The following SLC12A8 variants were observed in gnomAD, a reference collection of about 807,000 sequenced individuals.
SLC12A8 encodes cation-chloride cotransporter 9.
A neutral mutation model predicts 75.6 loss-of-function variants in SLC12A8; 69 were observed. The observed-to-expected ratio is 0.91, with a 90% CI of 0.75 to 1.11. The LOEUF (loss-of-function observed/expected upper bound fraction) is 1.11. Among genes scored for constraint, SLC12A8 ranks in the 50% most tolerant of loss-of-function variants. The pLI is 0.00. For synonymous variants in SLC12A8, 365 were observed against 372.8 expected, an observed-to-expected ratio of 0.98 and a Z score of 0.24; for missense variants, 877 against 896.7, an observed-to-expected ratio of 0.98 and a Z score of 0.28.
chr3:125,202,630 GTTTTTTT>G (rs543411392), intron 2 of SLC12A8, among the ~76,000 whole-genome samples: 92,843 of 147,496 alleles, frequency 0.63, 31,290 homozygotes, highest in Non-Finnish European at 0.77. Context: ...TATTAACCAT[GTTTTTTT>G]TTTTTTTTTT....
intron 6 of SLC12A8, among the ~76,000 whole-genome samples, chr3:125,133,359 ACACG>A (rs1304038376): frequency 7.5e-6 from 1 of 132,654 alleles, no homozygotes; most frequent in African/African-American, 2.7e-5. Context: ...ACACACACAC[ACACG>A]CACACACACA....
intron 5 of SLC12A8, among the ~76,000 whole-genome samples, chr3:125,167,986 G>A (rs769165323): frequency 6.6e-6 from 1 of 152,226 alleles, no homozygotes; most frequent in Non-Finnish European, 1.5e-5. Flanking sequence ...TGCTTAAGCT[G>A]GAGAGTGACC....
intron 10 of SLC12A8, among the ~76,000 whole-genome samples, chr3:125,097,827 G>T (rs1428345560): frequency 6.6e-6 from 1 of 151,948 alleles, no homozygotes; most frequent in Non-Finnish European, 1.5e-5. Flanking sequence ...GTACAAACTT[G>T]TCAGAGGGGC....
intron 1 of SLC12A8, among the ~76,000 whole-genome samples, chr3:125,211,820 GC>G (rs1477763738): frequency 6.6e-6 from 1 of 152,186 alleles, no homozygotes; most frequent in Non-Finnish European, 1.5e-5. Context: ...GAATGTAGCT[GC>G]GCCCTGAGCA....
intron 5 of SLC12A8, among the ~76,000 whole-genome samples, chr3:125,145,924 G>A (rs1334094414): frequency 3.3e-5 from 5 of 152,122 alleles, no homozygotes; most frequent in Non-Finnish European, 1.5e-5. Flanking sequence ...ACCTCCCACG[G>A]CTCAAGTGAT....
intron 5 of SLC12A8, among the ~76,000 whole-genome samples, chr3:125,170,392 A>G (rs1458692659): frequency 6.6e-6 from 1 of 152,270 alleles, no homozygotes; most frequent in Non-Finnish European, 1.5e-5. Context: ...ACTCATCAGT[A>G]AGCTAATCTT....
At chr3:125,098,497 A>G (rs546789113) in intron 10 of SLC12A8, among the ~76,000 whole-genome samples, 1 of 152,070 alleles carries the variant, frequency 6.6e-6, no homozygotes, top group Admixed American at 6.6e-5. Context: ...TTCTCCACAA[A>G]CAATGAACCA....
At chr3:125,120,734 A>G in intron 6 of SLC12A8, 48 bp from the exon 7 acceptor site, 2 of 1,430,796 alleles carry the variant, frequency 1.4e-6, no homozygotes, top group Non-Finnish European at 2.0e-6. Flanking sequence ...TCCTCCACGC[A>G]TCGCCTTCCC....
At chr3:125,138,920 G>C (rs1162957698) in intron 5 of SLC12A8, among the ~76,000 whole-genome samples, 1 of 151,676 alleles carries the variant, frequency 6.6e-6, no homozygotes, top group African/African-American at 2.4e-5. Context: ...CTACTCAAGA[G>C]GCTGGGGTGG....
At chr3:125,133,213 T>C (rs545499136) in intron 6 of SLC12A8, among the ~76,000 whole-genome samples, 8 of 152,156 alleles carry the variant, frequency 5.3e-5, no homozygotes, top group Non-Finnish European at 1.0e-4. Context: ...ATTAAAGTTA[T>C]TGTCTTTTTC....
chr3:125,210,320 T>C (rs928401160), intron 2 of SLC12A8, among the ~76,000 whole-genome samples: 2 of 152,086 alleles, frequency 1.3e-5, no homozygotes, highest in African/African-American at 4.8e-5. Flanking sequence ...CTCTGGGGAA[T>C]GGTGTGGTTC....
intron 2 of SLC12A8, among the ~76,000 whole-genome samples, chr3:125,204,540 G>C (rs2107804407): frequency 6.6e-6 from 1 of 152,260 alleles, no homozygotes; most frequent in African/African-American, 2.4e-5. Context: ...TGACTTCATT[G>C]AGCTAAATAG....
intron 2 of SLC12A8, among the ~76,000 whole-genome samples, chr3:125,197,193 C>G (rs1424324125): frequency 1.3e-5 from 2 of 152,158 alleles, no homozygotes; most frequent in East Asian, 3.8e-4. Context: ...TCCCACTAGC[C>G]AAATCTGGCA....
intron 6 of SLC12A8, among the ~76,000 whole-genome samples, chr3:125,123,265 C>A (rs1933107004): frequency 6.6e-6 from 1 of 150,622 alleles, no homozygotes; most frequent in African/African-American, 2.4e-5. Flanking sequence ...ATCCCAGCTA[C>A]TTGGGAGGCT....
At chr3:125,151,144 A>G (rs1933910751) in intron 5 of SLC12A8, 1 of 152,204 alleles carries the variant, frequency 6.6e-6, no homozygotes, top group African/African-American at 2.4e-5. Context: ...AACAGTGAAC[A>G]TTACCAGGGT....
At chr3:125,172,961 C>T (rs575763883) in intron 5 of SLC12A8, among the ~76,000 whole-genome samples, 2 of 152,264 alleles carry the variant, frequency 1.3e-5, no homozygotes, top group African/African-American at 4.8e-5. Context: ...GATGGATCAC[C>T]TGAAGTCAGG....
intron 13 of SLC12A8, among the ~76,000 whole-genome samples, chr3:125,087,063 G>T (rs9822886): frequency 0.014 from 2,137 of 151,464 alleles, 47 homozygotes; most frequent in African/African-American, 0.047. Flanking sequence ...ACATGGCTAA[G>T]ATGGTACATC....
intron 10 of SLC12A8, among the ~76,000 whole-genome samples, chr3:125,102,734 A>T (rs1938913560): frequency 6.6e-6 from 1 of 152,216 alleles, no homozygotes; most frequent in African/African-American, 2.4e-5. Context: ...CTGAAAATCC[A>T]ATGAGAAGAC....
chr3:125,189,724 A>G (rs1445894561), intron 3 of SLC12A8, among the ~76,000 whole-genome samples: 1 of 152,192 alleles, frequency 6.6e-6, no homozygotes, highest in Non-Finnish European at 1.5e-5. Context: ...TGTGTGGTCT[A>G]CTGAAGTCCC....
Sources: allele counts gnomAD v4.1 joint callset (sites outside exome capture counted in the v4.1 genomes callset), GRCh38; gene constraint gnomAD v4.1.1; transcripts MANE v1.5; gene names NCBI Gene and HGNC (gene_info 2026-07-23, HGNC 2026-07-21).